HSPA12A: variants seen among roughly 807,000 people sequenced by gnomAD.
The protein encoded by HSPA12A is heat shock 70 kDa protein 12A.
Under a neutral mutation model 69.2 loss-of-function variants are expected in HSPA12A, and 28 were observed. The observed-to-expected ratio is 0.40, with a 90% CI of 0.30 to 0.55. The LOEUF (loss-of-function observed/expected upper bound fraction) is 0.55. HSPA12A is among the 20% of genes least tolerant of loss of function. The probability of loss-of-function intolerance (pLI) is 0.38; values close to 1 mark genes in which losing one functional copy is unlikely to be tolerated. For missense variants in HSPA12A, 686 were observed against 900.7 expected (o/e 0.76, Z 3.05); for synonymous variants, 345 against 370.5 (o/e 0.93, Z 0.79).
In HSPA12A at chr10:116,689,336, C is replaced by T. The variant is rs147956005; in HGVS notation, c.663+3015G>A. ...AGCAGAGTAGACGTGACCAGTTCTC[C>T]AACTGTCCTACTGGAGTAGCCACTC... On this transcript the variant is annotated intron_variant, in intron 6 of 11. Coordinates refer to ENST00000369209, the MANE Select transcript of HSPA12A (RefSeq NM_025015.3). Among the ~76,000 whole-genome samples the T allele has an allele frequency of 2.6e-5, 4 of 152,114 alleles. No homozygotes were observed. In the East Asian group the frequency reaches 7.8e-4, roughly 30 times the overall value.
intron 10 of HSPA12A, among the ~76,000 whole-genome samples, chr10:116,678,184 C>T (rs1482591569): frequency 2.0e-5 from 3 of 151,664 alleles, no homozygotes; most frequent in South Asian, 4.2e-4. Context: ...ATTAGTGGAC[C>T]AGGCAATAAT....
At chr10:116,775,200 C>T (rs990766353) in intron 2 of HSPA12A, among the ~76,000 whole-genome samples, 2 of 152,220 alleles carry the variant, frequency 1.3e-5, no homozygotes, top group Non-Finnish European at 2.9e-5. Flanking sequence ...TATCAGTTAT[C>T]CCACCACTCA....
At chr10:116,815,116 G>T (rs1006361831) in intron 2 of HSPA12A, among the ~76,000 whole-genome samples, 3 of 150,870 alleles carry the variant, frequency 2.0e-5, no homozygotes, top group African/African-American at 7.3e-5. Context: ...TTTTTAATTA[G>T]CACCAGCTCT....
Position 116,799,005 on chromosome 10 carries a change from C to T in HSPA12A, c.91+35930G>A, listed in dbSNP as rs139578920. ...GGGAGTGGCCGACAGGGCCCACTGG[C>T]GAGATGCCCAGGGCTCTGCTGACTC... On this transcript the variant is annotated intron_variant, in intron 2 of 12. Transcript: ENST00000635765. Among the ~76,000 whole-genome samples the T allele has an allele frequency of 3.3e-3, 496 of 152,212 alleles. 2 individuals are homozygous for T. Among genetic ancestry groups the T allele is most frequent in the African/African-American group, 0.012 (480 of 41,548 alleles).
chr10:116,752,881 A>T (rs1851804549), intron 2 of HSPA12A, among the ~76,000 whole-genome samples: 1 of 152,170 alleles, frequency 6.6e-6, no homozygotes, highest in African/African-American at 2.4e-5. Flanking sequence ...AGCCATTATA[A>T]CTGGCCATTA....
intron 6 of HSPA12A, among the ~76,000 whole-genome samples, chr10:116,691,240 G>C (rs1849729139): frequency 6.6e-6 from 1 of 152,142 alleles, no homozygotes; most frequent in African/African-American, 2.4e-5. Context: ...GCAGGGAGGA[G>C]ACGACTCGCC....
chr10:116,705,038 G>A, intron 3 of HSPA12A, 113 bp downstream of exon 3: 2 of 1,324,144 alleles, frequency 1.5e-6, no homozygotes, highest in Non-Finnish European at 2.1e-6. Flanking sequence ...AGCCAAGCTG[G>A]AACAGAATCC....
chr10:116,796,163 A>AAAAAAAAAAG (rs1414051045), intron 2 of HSPA12A, among the ~76,000 whole-genome samples: 52 of 138,844 alleles, frequency 3.7e-4, no homozygotes, highest in African/African-American at 1.4e-3. Flanking sequence ...AAAAAAAAAA[A>AAAAAAAAAAG]AAAGAAAGAA....
At chr10:116,830,230 A>G (rs991172321) in intron 2 of HSPA12A, 1 of 152,212 alleles carries the variant, frequency 6.6e-6, no homozygotes, top group South Asian at 2.1e-4. Flanking sequence ...GTTTGTCTTT[A>G]GAAACATGTA....
intron 1 of HSPA12A, among the ~76,000 whole-genome samples, chr10:116,739,949 C>T (rs1851430173): frequency 6.6e-6 from 1 of 152,020 alleles, no homozygotes; most frequent in South Asian, 2.1e-4. Context: ...CACCCCCCAA[C>T]ACCACCTACC....
chr10:116,702,583 G>A (rs1007430850), intron 3 of HSPA12A, among the ~76,000 whole-genome samples: 4 of 152,182 alleles, frequency 2.6e-5, no homozygotes, highest in African/African-American at 9.7e-5. Flanking sequence ...AGTCCCCGAG[G>A]TGACCGCACT....
chr10:116,802,895 G>A (rs894506570), intron 2 of HSPA12A, among the ~76,000 whole-genome samples: 2 of 152,262 alleles, frequency 1.3e-5, no homozygotes, highest in Non-Finnish European at 2.9e-5. Flanking sequence ...GGGTCAGCCA[G>A]ATCTGTGTCT....
chr10:116,706,083 G>C (rs1246502679), intron 2 of HSPA12A, among the ~76,000 whole-genome samples: 1 of 151,730 alleles, frequency 6.6e-6, no homozygotes, highest in African/African-American at 2.4e-5. Context: ...TTTTAGTAGA[G>C]ACTGGGTTTC....
At chr10:116,780,113 G>A (rs1844431606) in intron 2 of HSPA12A, among the ~76,000 whole-genome samples, 1 of 152,180 alleles carries the variant, frequency 6.6e-6, no homozygotes, top group Non-Finnish European at 1.5e-5. Flanking sequence ...CCAGCAACAA[G>A]GAACAGCAGT....
At chr10:116,777,507 AG>A (rs1160629789) in intron 2 of HSPA12A, among the ~76,000 whole-genome samples, 3 of 152,140 alleles carry the variant, frequency 2.0e-5, no homozygotes, top group African/African-American at 4.8e-5. Flanking sequence ...CCTGCCACTC[AG>A]GCCTCCTCGT....
At chr10:116,744,797 A>C (rs1326952756), upstream of HSPA12A, among the ~76,000 whole-genome samples, 1 of 152,206 alleles carries the variant, frequency 6.6e-6, no homozygotes, top group Non-Finnish European at 1.5e-5. Flanking sequence ...TCAAAGGCTG[A>C]GGCACCTGTT....
At chr10:116,796,632 G>A (rs910869214) in intron 2 of HSPA12A, among the ~76,000 whole-genome samples, 2 of 152,284 alleles carry the variant, frequency 1.3e-5, no homozygotes, top group Non-Finnish European at 2.9e-5. Flanking sequence ...CAGCAAAAGC[G>A]TTTAACACTG....
chr10:116,695,788 C>A (rs181908593), intron 5 of HSPA12A, among the ~76,000 whole-genome samples: 1,824 of 151,290 alleles, frequency 0.012, 45 homozygotes, highest in African/African-American at 0.042. Flanking sequence ...TGCACTCCAG[C>A]CTGGCTGGGC....
At chr10:116,722,302 G>A (rs530988985) in intron 1 of HSPA12A, among the ~76,000 whole-genome samples, 4 of 152,302 alleles carry the variant, frequency 2.6e-5, no homozygotes, top group African/African-American at 4.8e-5. Context: ...CTGTGCCCAC[G>A]GTGCTGACTG....
Sources: allele counts gnomAD v4.1 joint callset (sites outside exome capture counted in the v4.1 genomes callset), GRCh38; gene constraint gnomAD v4.1.1; transcripts MANE v1.5; gene names NCBI Gene and HGNC (gene_info 2026-07-23, HGNC 2026-07-21).